The following GRIN2A variants were observed in gnomAD, a reference collection of about 807,000 sequenced individuals.
GRIN2A encodes the protein glutamate ionotropic receptor NMDA type subunit 2A.
A neutral mutation model predicts 113.4 loss-of-function variants in GRIN2A; 22 were observed. The observed-to-expected ratio is 0.19, with a 90% CI of 0.14 to 0.28. The LOEUF is 0.28. GRIN2A is among the 10% of genes least tolerant of loss of function. GRIN2A has a pLI of 1.00. For missense variants in GRIN2A, 1,502 were observed against 1,887.0 expected (o/e 0.80, Z 3.78); for synonymous variants, 827 against 738.4 (o/e 1.12, Z -1.94).
chr16:9,890,641 A>G (rs2043674687), intron 4 of GRIN2A, among the ~76,000 whole-genome samples: 1 of 152,236 alleles, frequency 6.6e-6, no homozygotes, highest in African/African-American at 2.4e-5. Flanking sequence ...TAGGAAGTTT[A>G]GGCAAACTTC....
intron 4 of GRIN2A, among the ~76,000 whole-genome samples, chr16:9,869,944 C>G (rs1384130043): frequency 6.6e-6 from 1 of 152,194 alleles, no homozygotes; most frequent in Admixed American, 6.5e-5. Flanking sequence ...AACTCCAGAA[C>G]AGGCAGGAAC....
intron 11 of GRIN2A, among the ~76,000 whole-genome samples, chr16:9,770,359 A>C (rs944855727): frequency 1.3e-5 from 2 of 152,240 alleles, no homozygotes; most frequent in Non-Finnish European, 2.9e-5. Flanking sequence ...TGAAGAAGTC[A>C]ATCAAAATGA....
At chr16:9,819,536 A>T (rs540281599) in intron 10 of GRIN2A, among the ~76,000 whole-genome samples, 16 of 152,078 alleles carry the variant, frequency 1.1e-4, no homozygotes, top group East Asian at 3.9e-4. Flanking sequence ...AAAAAAAAAA[A>T]TTTAAATAAT....
intron 12 of GRIN2A, among the ~76,000 whole-genome samples, chr16:9,766,385 C>G (rs1900924254): frequency 6.6e-6 from 1 of 152,200 alleles, no homozygotes; most frequent in Non-Finnish European, 1.5e-5. Context: ...TAGACAGTCT[C>G]TCCACTCCAG....
chr16:10,174,992 G>C (rs916530929), intron 2 of GRIN2A, among the ~76,000 whole-genome samples: 6 of 152,168 alleles, frequency 3.9e-5, no homozygotes, highest in Admixed American at 6.5e-5. Flanking sequence ...AGTTTTTGCT[G>C]TACCTTTTCT....
intron 9 of GRIN2A, among the ~76,000 whole-genome samples, chr16:9,827,205 A>G (rs2042402931): frequency 6.6e-6 from 1 of 152,252 alleles, no homozygotes; most frequent in East Asian, 1.9e-4. Flanking sequence ...AAAACATTAT[A>G]CGGCTGGCTG....
At chr16:10,113,578 C>A (rs1353413739) in intron 2 of GRIN2A, among the ~76,000 whole-genome samples, 1 of 152,258 alleles carries the variant, frequency 6.6e-6, no homozygotes, top group East Asian at 1.9e-4. Flanking sequence ...ATTAAATAAT[C>A]AGAATAAATA....
intron 4 of GRIN2A, among the ~76,000 whole-genome samples, chr16:9,859,356 G>C (rs544889787): frequency 6.6e-6 from 1 of 152,190 alleles, no homozygotes; most frequent in Admixed American, 6.5e-5. Flanking sequence ...GCATACATAA[G>C]TGTCTGATAC....
intron 2 of GRIN2A, among the ~76,000 whole-genome samples, chr16:10,081,727 T>C (rs1176581829): frequency 1.3e-5 from 2 of 152,208 alleles, no homozygotes; most frequent in East Asian, 3.8e-4. Context: ...GACAAGCTTT[T>C]TGGAGTCTCT....
At chr16:9,955,794 A>G (rs111730062) in intron 2 of GRIN2A, among the ~76,000 whole-genome samples, 4,481 of 152,302 alleles carry the variant, frequency 0.029, 92 homozygotes, top group African/African-American at 0.044. Context: ...GCCTAAGTGC[A>G]TCAAGGCGAA....
chr16:10,085,448 G>A (rs2048068994), intron 2 of GRIN2A, among the ~76,000 whole-genome samples: 1 of 152,154 alleles, frequency 6.6e-6, no homozygotes. Flanking sequence ...TAACATTTAA[G>A]TATACTATAA....
chr16:10,173,106 C>G (rs1407989889), intron 2 of GRIN2A, among the ~76,000 whole-genome samples: 1 of 152,200 alleles, frequency 6.6e-6, no homozygotes, highest in Non-Finnish European at 1.5e-5. Context: ...GGGAGGACGC[C>G]TGTTGGTCTC....
chr16:9,855,154 T>C (rs780142533), intron 4 of GRIN2A, among the ~76,000 whole-genome samples: 3 of 152,136 alleles, frequency 2.0e-5, no homozygotes, highest in Non-Finnish European at 2.9e-5. Context: ...GAATCATTAA[T>C]AGCACAGGCT....
chr16:9,814,534 C>G (rs79437822), intron 10 of GRIN2A, among the ~76,000 whole-genome samples: 432 of 152,272 alleles, frequency 2.8e-3, no homozygotes, highest in Non-Finnish European at 5.3e-3. Context: ...AAAGGCACTT[C>G]CAACTTAATA....
chr16:10,103,796 C>T (rs1261709431), intron 2 of GRIN2A, among the ~76,000 whole-genome samples: 2 of 152,220 alleles, frequency 1.3e-5, no homozygotes, highest in African/African-American at 4.8e-5. Flanking sequence ...GGCTCTACTT[C>T]TTCCCTTAGA....
rs901717931 is a variant in GRIN2A at position 9,938,062 on chromosome 16, C to T, written c.904G>A (p.Ala302Thr). 39 of 1,613,892 alleles carry T rather than the reference C, an allele frequency of 2.4e-5. No homozygotes were observed. Among genetic ancestry groups the T allele is most frequent in the Non-Finnish European group, 3.1e-5 (36 of 1,179,964 alleles). Residue 302 changes from alanine to threonine, a missense_variant, in exon 3 of 13, where the codon GCT (alanine) becomes ACT (threonine). Coordinates refer to ENST00000330684, the MANE Select transcript of GRIN2A (RefSeq NM_001134407.3). ...VRDGIGILTT[A>T]ASSMLEKFSY... Reference sequence around the variant, plus strand: ...AACTTCTCCAGCATAGAAGATGCAGCGGTGGTTAGGATGCCAATGCCGTCC... The same window carrying T: ...AACTTCTCCAGCATAGAAGATGCAGTGGTGGTTAGGATGCCAATGCCGTCC...
chr16:10,039,131 AC>A (rs1349195217), intron 2 of GRIN2A, among the ~76,000 whole-genome samples: 7 of 147,856 alleles, frequency 4.7e-5, no homozygotes, highest in African/African-American at 1.8e-4. Flanking sequence ...ATCCCCTCCC[AC>A]CCCCCAATGT....
chr16:10,087,583 T>C (rs2048107296), intron 2 of GRIN2A, among the ~76,000 whole-genome samples: 1 of 152,258 alleles, frequency 6.6e-6, no homozygotes, highest in Admixed American at 6.5e-5. Flanking sequence ...AAAATCTCAG[T>C]AGCTTATTAC....
chr16:10,102,294 C>T (rs1293253504), intron 2 of GRIN2A, among the ~76,000 whole-genome samples: 2 of 152,228 alleles, frequency 1.3e-5, no homozygotes, highest in Non-Finnish European at 2.9e-5. Context: ...TCTTAGTTCA[C>T]ATGAGATTTG....
Sources: gnomAD v4.1 joint callset for allele counts (sites outside exome capture counted in the v4.1 genomes callset) on GRCh38, gnomAD v4.1.1 for gene constraint, MANE v1.5 for transcripts, NCBI Gene and HGNC (gene_info 2026-07-23, HGNC 2026-07-21) for gene names.